The following SNTG1 variants were observed in gnomAD, a reference collection of about 807,000 sequenced individuals.
SNTG1 encodes gamma-1-syntrophin.
A neutral mutation model predicts 74.7 loss-of-function variants in SNTG1; 39 were observed. The observed-to-expected ratio is 0.52, with a 90% confidence interval of 0.40 to 0.68. The LOEUF (loss-of-function observed/expected upper bound fraction) is 0.68, where lower values mean the gene tolerates loss of function less well. SNTG1 is among the 30% of genes least tolerant of loss of function. The pLI, the probability that SNTG1 is intolerant of heterozygous loss-of-function variation, is 0.00. For synonymous variants in SNTG1, 254 were observed against 217.1 expected, an observed-to-expected ratio of 1.17 and a Z score of -1.49; for missense variants, 685 against 609.5, an observed-to-expected ratio of 1.12 and a Z score of -1.30.
At chr8:50,337,109 G>C (rs756324673) in intron 2 of SNTG1, among the ~76,000 whole-genome samples, 1 of 152,130 alleles carries the variant, frequency 6.6e-6, no homozygotes, top group Non-Finnish European at 1.5e-5. Context: ...CAGGCTGCTT[G>C]TTTCTGCTCT....
At chr8:50,607,123 AT>A (rs962176672) in intron 13 of SNTG1, among the ~76,000 whole-genome samples, 1 of 151,756 alleles carries the variant, frequency 6.6e-6, no homozygotes, top group African/African-American at 2.4e-5. Context: ...TTTCTAACTT[AT>A]TTTTTACTTT....
At chr8:49,942,248 A>T (rs1163386401) in intron 1 of SNTG1, among the ~76,000 whole-genome samples, 1 of 152,198 alleles carries the variant, frequency 6.6e-6, no homozygotes, top group Non-Finnish European at 1.5e-5. Context: ...ACTAACAAGT[A>T]ACACAACTTT....
chr8:50,507,731 C>T (rs1198926545), intron 9 of SNTG1, among the ~76,000 whole-genome samples: 19 of 151,810 alleles, frequency 1.3e-4, no homozygotes, highest in South Asian at 2.1e-4. Context: ...ATGTGCACAA[C>T]GTGCAGGTTA....
At chr8:50,585,016 T>A (rs184366399) in intron 12 of SNTG1, among the ~76,000 whole-genome samples, 1 of 152,152 alleles carries the variant, frequency 6.6e-6, no homozygotes, top group East Asian at 1.9e-4. Flanking sequence ...GGGCAGGCAT[T>A]GGCTCTGGGT....
At chr8:50,417,369 A>G (rs2093027888) in intron 4 of SNTG1, among the ~76,000 whole-genome samples, 1 of 152,294 alleles carries the variant, frequency 6.6e-6, no homozygotes, top group Non-Finnish European at 1.5e-5. Flanking sequence ...TTCAGAGTCT[A>G]TCAAAAGGCA....
At chr8:50,243,884 C>A (rs927814932) in intron 2 of SNTG1, among the ~76,000 whole-genome samples, 2 of 152,056 alleles carry the variant, frequency 1.3e-5, no homozygotes, top group Admixed American at 1.3e-4. Flanking sequence ...ATTGAGATAA[C>A]CTTAGAAGAC....
intron 2 of SNTG1, among the ~76,000 whole-genome samples, chr8:50,182,612 G>T (rs1416297514): frequency 6.6e-6 from 1 of 152,010 alleles, no homozygotes; most frequent in East Asian, 1.9e-4. Flanking sequence ...AAAAAAATGT[G>T]ATTTGGCACG....
intron 1 of SNTG1, among the ~76,000 whole-genome samples, chr8:49,989,538 A>G (rs1813484643): frequency 6.6e-6 from 1 of 152,106 alleles, no homozygotes; most frequent in East Asian, 1.9e-4. Context: ...TAAATAGTCA[A>G]TATAATTTTT....
chr8:50,671,882 A>C (rs1231776600), intron 15 of SNTG1, among the ~76,000 whole-genome samples: 1 of 151,872 alleles, frequency 6.6e-6, no homozygotes, highest in Non-Finnish European at 1.5e-5. Context: ...TGATGAGTTC[A>C]TGTCCTTTGT....
chr8:50,578,912 G>T (rs1217358404), intron 12 of SNTG1, among the ~76,000 whole-genome samples: 2 of 152,142 alleles, frequency 1.3e-5, no homozygotes, highest in Non-Finnish European at 2.9e-5. Context: ...TCAGGAGTGG[G>T]GTGTGGCTAT....
At chr8:50,325,701 A>G (rs79339585) in intron 2 of SNTG1, among the ~76,000 whole-genome samples, 9,951 of 152,200 alleles carry the variant, frequency 0.065, 354 homozygotes, top group African/African-American at 0.072. Flanking sequence ...CAAACAAAAC[A>G]TTCTTCAAAT....
chr8:50,716,722 C>G (rs2095475874), intron 17 of SNTG1, among the ~76,000 whole-genome samples: 1 of 129,442 alleles, frequency 7.7e-6, no homozygotes, highest in African/African-American at 2.9e-5. Flanking sequence ...AAATTCCCTG[C>G]CTTTCTTATT....
At chr8:50,136,652 A>G (rs960466780) in intron 1 of SNTG1, among the ~76,000 whole-genome samples, 1 of 152,174 alleles carries the variant, frequency 6.6e-6, no homozygotes, top group Non-Finnish European at 1.5e-5. Flanking sequence ...TGCCTGCTAT[A>G]ACTTCCAGCC....
intron 2 of SNTG1, among the ~76,000 whole-genome samples, chr8:50,225,571 C>T (rs935648979): frequency 1.3e-5 from 2 of 152,080 alleles, no homozygotes; most frequent in East Asian, 1.9e-4. Flanking sequence ...AAGCTATTGC[C>T]CAATCACCTT....
At chr8:49,928,145 T>TAATAAATA (rs372341073) in intron 1 of SNTG1, among the ~76,000 whole-genome samples, 18,244 of 137,936 alleles carry the variant, frequency 0.13, 1,279 homozygotes, top group Middle Eastern at 0.16. Flanking sequence ...TCTCAAAAAA[T>TAATAAATA]AATAAATAAA....
intron 8 of SNTG1, among the ~76,000 whole-genome samples, chr8:50,466,353 A>G (rs1244928103): frequency 1.3e-5 from 2 of 151,886 alleles, no homozygotes; most frequent in Non-Finnish European, 2.9e-5. Flanking sequence ...CCAGTTGTTT[A>G]TATTTATGTG....
At chr8:50,317,509 C>A (rs1331518086) in intron 2 of SNTG1, among the ~76,000 whole-genome samples, 2 of 152,208 alleles carry the variant, frequency 1.3e-5, no homozygotes, top group Admixed American at 6.5e-5. Context: ...ATAATCCTGG[C>A]AGCAATGTGA....
chr8:50,741,784 T>C (rs192579789), intron 17 of SNTG1, among the ~76,000 whole-genome samples: 2 of 152,040 alleles, frequency 1.3e-5, no homozygotes, highest in Non-Finnish European at 2.9e-5. Flanking sequence ...ATATACTGTA[T>C]GATTCCAACT....
chr8:50,543,465 G>T (rs1266045199), intron 11 of SNTG1, among the ~76,000 whole-genome samples: 1 of 151,334 alleles, frequency 6.6e-6, no homozygotes, highest in Non-Finnish European at 1.5e-5. Flanking sequence ...TGTTGTTGCT[G>T]TTGTTTCCTC....
Sources: gnomAD v4.1 joint callset for allele counts (sites outside exome capture counted in the v4.1 genomes callset) on GRCh38, gnomAD v4.1.1 for gene constraint, MANE v1.5 for transcripts, NCBI Gene and HGNC (gene_info 2026-07-23, HGNC 2026-07-21) for gene names.